NDUFS2: variants seen among roughly 807,000 people sequenced by gnomAD.
The protein encoded by NDUFS2 is NADH:ubiquinone oxidoreductase core subunit S2, also known as NADH dehydrogenase [ubiquinone] iron-sulfur protein 2, mitochondrial.
In NDUFS2, 38 loss-of-function variants were observed where a neutral mutation model predicts 69.6. The ratio of observed to expected loss-of-function variants is 0.55; its 90% confidence interval spans 0.42 to 0.72. The LOEUF (loss-of-function observed/expected upper bound fraction) is 0.72, where lower values mean the gene tolerates loss of function less well. NDUFS2 is among the 30% of genes least tolerant of loss of function. The pLI is 0.00. For synonymous variants in NDUFS2, 194 were observed against 211.2 expected (o/e 0.92, Z 0.70); for missense variants, 468 against 595.0 (o/e 0.79, Z 2.22).
Position 161,209,614 on chromosome 1 carries a change from G to A in NDUFS2, c.627+19G>A, listed in dbSNP as rs778180312. The A allele has an allele frequency of 1.3e-6, 2 of 1,583,052 alleles. No homozygotes were observed. The highest frequency in any genetic ancestry group is 1.3e-5 in the African/African-American group (1 of 74,362). On this transcript the variant is annotated intron_variant, in intron 5 of 13. Transcript: ENST00000676972. Reference sequence around the variant, plus strand: ...GGAGAAGGTAAGAGTGGGAGGAAAGGATAGGAATAGGGAAGGAAGTGCAGG... The same window carrying A: ...GGAGAAGGTAAGAGTGGGAGGAAAGAATAGGAATAGGGAAGGAAGTGCAGG...
upstream of NDUFS2, chr1:161,198,522 A>T: frequency 6.4e-7 from 1 of 1,567,042 alleles, no homozygotes; most frequent in Non-Finnish European, 8.6e-7. The surrounding 1 kb of genome is among the most constrained non-coding windows in gnomAD (Gnocchi z 4.7). Context: ...AGAAGCAGCC[A>T]CACCAGCCAG....
chr1:161,203,374 T>C lies in NDUFS2; in HGVS notation c.96-63T>C, dbSNP rs1214786170. ...CTTCCTGGGTCCCCTTGAGAGTGAATGGGAACACAGGAACCAAACACTGTT... is the reference window on the plus strand; with the variant it reads ...CTTCCTGGGTCCCCTTGAGAGTGAACGGGAACACAGGAACCAAACACTGTT... On this transcript the variant is annotated intron_variant, in intron 1 of 13. Coordinates refer to ENST00000676972, the MANE Select transcript of NDUFS2 (RefSeq NM_001377299.1). 7.1e-6 allele frequency: 10 copies of C among 1,402,924 alleles called. No homozygotes were observed. In the East Asian group the frequency reaches 2.1e-4, roughly 29 times the overall value. The allele number at this position is 1,402,924 out of a possible 1,614,324, so 86.9% of individuals were successfully genotyped here.
intron 10 of NDUFS2, 164 bp from the exon 11 acceptor site, chr1:161,213,216 T>C: frequency 1.6e-6 from 1 of 644,990 alleles, no homozygotes; most frequent in Non-Finnish European, 2.8e-6. Flanking sequence ...TAAGAGATTC[T>C]TAATCTCCCA....
At chr1:161,198,479 C>T (rs773546873), upstream of NDUFS2, 109 of 1,568,782 alleles carry the variant, frequency 6.9e-5, 1 homozygote, top group Admixed American at 1.4e-3. This position sits in a 1 kb window ranked among gnomAD's most constrained non-coding sequence, Gnocchi z 4.7. Flanking sequence ...GCTGGCCAGC[C>T]GGGCTGAGGG....
intron 6 of NDUFS2, 26 bp from the exon 7 acceptor site, chr1:161,210,085 C>G (rs747466485): frequency 7.5e-6 from 12 of 1,607,256 alleles, no homozygotes; most frequent in Non-Finnish European, 8.5e-6. Flanking sequence ...ATGCCACATT[C>G]AGTAGCACTT....
Position 161,202,723 on chromosome 1 carries a change from G to C in NDUFS2, c.95+243G>C, listed in dbSNP as rs114249790. ...CTCTGCTTTTTAGCTTCAGTAATTT[G>C]AATGCACCTCTCCTGTCATACCTGA... On this transcript the variant is annotated intron_variant, in intron 1 of 13. Coordinates refer to ENST00000676972, the MANE Select transcript of NDUFS2 (RefSeq NM_001377299.1). Among the ~76,000 whole-genome samples, 1,561 of 152,242 alleles carry C rather than the reference G, an allele frequency of 0.01. 24 individuals are homozygous for C. The highest frequency in any genetic ancestry group is 0.035 in the African/African-American group (1,471 of 41,528).
intron 3 of NDUFS2, among the ~76,000 whole-genome samples, chr1:161,207,983 T>C (rs1665565884): frequency 7.1e-6 from 1 of 139,940 alleles, no homozygotes; most frequent in Admixed American, 6.9e-5. Context: ...CTAATTTTTT[T>C]TTTTTTTTTT....
chr1:161,212,372 G>C lies in NDUFS2; in HGVS notation c.1008G>C (p.Glu336Asp). ...TGAGGTACCTGTGCCGGGTGGAGGAGATGCGCCAGTCCCTGAGAATTATCG... is the reference window on the plus strand; with the variant it reads ...TGAGGTACCTGTGCCGGGTGGAGGACATGCGCCAGTCCCTGAGAATTATCG... ...CYDRYLCRVE[E>D]MRQSLRIIAQ... Residue 336 changes from glutamate (E) to aspartate (D), a missense_variant, in exon 10 of 14, where the codon GAG (glutamate) becomes GAC (aspartate). This residue lies in a region of NDUFS2 where 339 missense variants were observed against 433.8 expected (regional missense o/e 0.78). Coordinates refer to ENST00000676972, the MANE Select transcript of NDUFS2 (RefSeq NM_001377299.1). 1 of 1,613,668 alleles carries C rather than the reference G, an allele frequency of 6.2e-7. No homozygotes were observed. Among genetic ancestry groups the C allele is most frequent in the Non-Finnish European group, 8.5e-7 (1 of 1,179,732 alleles).
chr1:161,203,195 A>AAT (rs1665250497), intron 1 of NDUFS2, among the ~76,000 whole-genome samples: 1 of 152,198 alleles, frequency 6.6e-6, no homozygotes, highest in Non-Finnish European at 1.5e-5. Flanking sequence ...AATCTCAGCT[A>AAT]CTTGGGAGGC....
intron 1 of NDUFS2, among the ~76,000 whole-genome samples, chr1:161,202,786 C>G (rs1433475156): frequency 2.0e-5 from 3 of 152,202 alleles, no homozygotes; most frequent in Admixed American, 6.5e-5. Context: ...CTCGCTGTCT[C>G]TCTGTCGTTG....
rs774480781 is a variant in NDUFS2 at position 161,213,451 on chromosome 1, A to G, written c.1188A>G (p.Thr396=). ...GCTACCAAGTTCCTCCAGGAGCCAC[A>G]TATACTGCCATTGAGGCTCCCAAGG... ...TEGYQVPPGA[T]YTAIEAPKGE... is the part of the protein sequence containing the mutation. Residue 396 remains threonine, a synonymous_variant, in exon 11 of 14, where the codon ACA becomes ACG. Coordinates refer to ENST00000676972, the MANE Select transcript of NDUFS2 (RefSeq NM_001377299.1). 1 of 1,610,772 alleles carries G rather than the reference A, an allele frequency of 6.2e-7. No homozygotes were observed. Among genetic ancestry groups the G allele is most frequent in the Non-Finnish European group, 8.5e-7 (1 of 1,178,030 alleles).
Position 161,213,419 on chromosome 1 carries a change from A to G in NDUFS2, c.1156A>G (p.Thr386Ala). The G allele has an allele frequency of 6.2e-7, 1 of 1,611,130 alleles. No individual in the cohort carries two copies. The highest frequency in any genetic ancestry group is 8.5e-7 in the Non-Finnish European group (1 of 1,178,412). ...ESLIHHFKLY[T>A]EGYQVPPGAT... ...ACTGATTCATCACTTTAAGTTGTATACTGAGGGCTACCAAGTTCCTCCAGG... is the reference window on the plus strand; with the variant it reads ...ACTGATTCATCACTTTAAGTTGTATGCTGAGGGCTACCAAGTTCCTCCAGG... Residue 386 changes from threonine (T) to alanine (A), a missense_variant, in exon 11 of 14, where the codon ACT becomes GCT. By Grantham distance (58) the Thr-to-Ala change is moderately conservative. Around this residue, in one of 3 missense-constraint regions of NDUFS2, gnomAD observed 72 missense variants for 118.9 expected, o/e 0.61. Transcript: ENST00000676972.
intron 3 of NDUFS2, among the ~76,000 whole-genome samples, chr1:161,206,853 T>G (rs1665496760): frequency 6.6e-6 from 1 of 152,200 alleles, no homozygotes. Flanking sequence ...GGCAGGCCCC[T>G]TTGCCATTAC....
In NDUFS2 at chr1:161,202,380, A is replaced by G; in HGVS notation, c.-6A>G. 6.2e-7 allele frequency: 1 copy of G among 1,610,300 alleles called. No individual in the cohort carries two copies. The highest frequency in any genetic ancestry group is 8.5e-7 in the Non-Finnish European group (1 of 1,178,676). ...TCTCCTTCCCGCAGTCTGCAGCCGGAGTAAGATGGCGGCGCTGAGGGCTTT... is the reference window on the plus strand; with the variant it reads ...TCTCCTTCCCGCAGTCTGCAGCCGGGGTAAGATGGCGGCGCTGAGGGCTTT... On this transcript the variant is annotated 5_prime_UTR_variant, in exon 1 of 14. Transcript: ENST00000676972.
intron 3 of NDUFS2, among the ~76,000 whole-genome samples, chr1:161,207,373 C>T (rs1447269820): frequency 6.6e-6 from 1 of 152,214 alleles, no homozygotes; most frequent in Non-Finnish European, 1.5e-5. Flanking sequence ...CACCCTCTTC[C>T]TGGAAGCTGA....
At chr1:161,198,232 G>A (rs1268269092), upstream of NDUFS2, 3 of 1,614,104 alleles carry the variant, frequency 1.9e-6, no homozygotes, top group South Asian at 3.3e-5. This position sits in a 1 kb window ranked among gnomAD's most constrained non-coding sequence, Gnocchi z 4.7. Context: ...GATCTCCATT[G>A]ATGGTGCCAG....
rs917171396 is a variant in NDUFS2 at position 161,210,468 on chromosome 1, A to G, written c.866+79A>G. ...CCAGCCTAATATCTTGTCTTTGAAG[A>G]CTTGTTGGCATCCTCCTAGTCATAC... On this transcript the variant is annotated intron_variant, in intron 8 of 13. Coordinates refer to ENST00000676972, the MANE Select transcript of NDUFS2 (RefSeq NM_001377299.1). 7.5e-6 allele frequency: 12 copies of G among 1,601,638 alleles called. No homozygotes were observed. The African/African-American group carries it at 8.0e-5, about 11-fold the overall frequency.
upstream of NDUFS2, among the ~76,000 whole-genome samples, chr1:161,201,053 C>A (rs1665094749): frequency 6.6e-6 from 1 of 152,182 alleles, no homozygotes; most frequent in South Asian, 2.1e-4. Flanking sequence ...ACCACCATGG[C>A]CACATTTGCT....
intron 9 of NDUFS2, among the ~76,000 whole-genome samples, chr1:161,211,063 C>T (rs1021205588): frequency 6.6e-5 from 10 of 152,034 alleles, no homozygotes; most frequent in Admixed American, 2.0e-4. Flanking sequence ...TTAGTAGAGA[C>T]GGGATTTCTC....
Sources: gnomAD v4.1 joint callset for allele counts (sites outside exome capture counted in the v4.1 genomes callset) on GRCh38, gnomAD v4.1.1 for gene constraint, gnomAD v4.1.1 regional missense constraint, Gnocchi (gnomAD v3.1) non-coding constraint, MANE v1.5 for transcripts, NCBI Gene and HGNC (gene_info 2026-07-23, HGNC 2026-07-21) for gene names.